The following RPRD1B variants were observed in gnomAD, a reference collection of about 807,000 sequenced individuals.
RPRD1B encodes regulation of nuclear pre-mRNA domain containing 1B, also known as regulation of nuclear pre-mRNA domain-containing protein 1B.
In RPRD1B, 11 loss-of-function variants were observed where a neutral mutation model predicts 41.5. That is an observed-to-expected ratio of 0.27 (90% CI 0.17 to 0.44). RPRD1B has a LOEUF of 0.44. RPRD1B is among the 20% of genes least tolerant of loss of function. The pLI, the probability that RPRD1B is intolerant of heterozygous loss-of-function variation, is 1.00. For synonymous variants in RPRD1B, 158 were observed against 155.6 expected (o/e 1.02, Z -0.12); for missense variants, 248 against 389.9 (o/e 0.64, Z 3.06).
chr20:38,079,873 C>T (rs2074498184), intron 6 of RPRD1B, among the ~76,000 whole-genome samples: 1 of 152,154 alleles, frequency 6.6e-6, no homozygotes, highest in African/African-American at 2.4e-5. Context: ...TCCCCACAAC[C>T]TCCCCAGCAT....
chr20:38,059,317 A>G, intron 4 of RPRD1B, 77 bp from the exon 5 acceptor site: 1 of 1,441,966 alleles, frequency 6.9e-7, no homozygotes, highest in Non-Finnish European at 9.3e-7. Context: ...ATTTGCCTCC[A>G]CCTCATTTAA....
At chr20:38,077,071 C>T (rs2074469482) in intron 6 of RPRD1B, among the ~76,000 whole-genome samples, 1 of 151,708 alleles carries the variant, frequency 6.6e-6, no homozygotes, top group Non-Finnish European at 1.5e-5. Context: ...GCACCCACCA[C>T]CACACCCAGC....
At position 38,075,918 on chromosome 20, in the gene RPRD1B, G is replaced by A. The variant is rs182653139; in HGVS notation, c.831+9662G>A. Among the ~76,000 whole-genome samples the A allele has an allele frequency of 4.0e-3, 612 of 152,266 alleles. 1 individual carries two copies. Among genetic ancestry groups the A allele is most frequent in the Non-Finnish European group, 5.2e-3 (355 of 68,018 alleles). ...TGAGGTCCTTTATCTTTAAACATCT[G>A]TAGGAAGAAGTATGATTAGCTCTCT... On this transcript the variant is annotated intron_variant, in intron 6 of 6. Coordinates refer to ENST00000373433, the MANE Select transcript of RPRD1B (RefSeq NM_021215.4).
At chr20:38,077,723 CT>C (rs2074477437) in intron 6 of RPRD1B, among the ~76,000 whole-genome samples, 1 of 152,196 alleles carries the variant, frequency 6.6e-6, no homozygotes, top group African/African-American at 2.4e-5. Context: ...CCCCTGGATC[CT>C]TGCAGTAGCC....
Position 38,065,181 on chromosome 20 carries a change from G to A in RPRD1B, c.656-900G>A, listed in dbSNP as rs1041848161. ...AATGTAGGAAGAAGTTCATCCCCACGTCCAAGGCTTACATAGTTTAAGAGA... is the reference window on the plus strand; with the variant it reads ...AATGTAGGAAGAAGTTCATCCCCACATCCAAGGCTTACATAGTTTAAGAGA... On this transcript the variant is annotated intron_variant, in intron 5 of 6. Transcript: ENST00000373433. Among the ~76,000 whole-genome samples, 9 of 152,112 alleles carry A rather than the reference G, an allele frequency of 5.9e-5. No individual in the cohort carries two copies. The South Asian group carries it at 1.4e-3, about 25-fold the overall frequency.
At chr20:38,085,338 G>A (rs937739760) in intron 6 of RPRD1B, 1 of 152,196 alleles carries the variant, frequency 6.6e-6, no homozygotes, top group African/African-American at 2.4e-5. Context: ...CGTGGGTGTT[G>A]GATGAAAGGT....
intron 4 of RPRD1B, 29 bp from the exon 5 acceptor site, chr20:38,059,365 G>C: frequency 1.2e-6 from 2 of 1,601,010 alleles, no homozygotes; most frequent in South Asian, 2.2e-5. Context: ...GTCTTAATGG[G>C]TAGTGTTGTT....
intron 6 of RPRD1B, among the ~76,000 whole-genome samples, chr20:38,074,662 A>G (rs527644217): frequency 1.3e-5 from 2 of 152,312 alleles, no homozygotes; most frequent in Non-Finnish European, 1.5e-5. Context: ...AATGCATATA[A>G]TATGAAGTTA....
At chr20:38,081,504 T>G (rs2074512419) in intron 6 of RPRD1B, among the ~76,000 whole-genome samples, 1 of 152,182 alleles carries the variant, frequency 6.6e-6, no homozygotes, top group Non-Finnish European at 1.5e-5. Flanking sequence ...CAACGAGAGA[T>G]AGTTTGACTT....
intron 6 of RPRD1B, among the ~76,000 whole-genome samples, chr20:38,078,166 C>CAA (rs1166192655): frequency 2.7e-5 from 3 of 109,940 alleles, no homozygotes; most frequent in African/African-American, 6.7e-5. Flanking sequence ...CAGGCTGTCT[C>CAA]AAAAAAAAAA....
chr20:38,089,896 T>G lies in RPRD1B; in HGVS notation c.*21T>G, dbSNP rs759181037. On this transcript the variant is annotated 3_prime_UTR_variant, in exon 7 of 7. Transcript: ENST00000373433. ...ACTAGGATGGGTGTCATGTCCCAGA[T>G]TTCTGTTTGTACCAGCAGAAAGAAG... The G allele has an allele frequency of 6.2e-7, 1 of 1,608,490 alleles. No individual in the cohort carries two copies. Among genetic ancestry groups the G allele is most frequent in the Non-Finnish European group, 8.5e-7 (1 of 1,177,472 alleles).
intron 3 of RPRD1B, among the ~76,000 whole-genome samples, chr20:38,057,277 G>A (rs904028936): frequency 5.3e-5 from 8 of 152,082 alleles, no homozygotes; most frequent in African/African-American, 1.2e-4. Context: ...GTAAGTTTTC[G>A]CTTTAGATGC....
chr20:38,060,579 T>C (rs764429888), intron 5 of RPRD1B, among the ~76,000 whole-genome samples: 4 of 151,784 alleles, frequency 2.6e-5, no homozygotes, highest in Non-Finnish European at 4.4e-5. Context: ...ACCCGAAAAA[T>C]TAGGAAGCAA....
chr20:38,052,631 G>T (rs920332317), intron 3 of RPRD1B, among the ~76,000 whole-genome samples: 2 of 151,466 alleles, frequency 1.3e-5, no homozygotes, highest in African/African-American at 2.4e-5. Flanking sequence ...TATAGGTGTG[G>T]TTTTTTTTGT....
chr20:38,090,686 T>A lies in RPRD1B; in HGVS notation c.*811T>A. 1.0e-6 allele frequency: 1 copy of A among 985,476 alleles called. No homozygotes were observed. Among genetic ancestry groups the A allele is most frequent in the Non-Finnish European group, 1.2e-6 (1 of 829,962 alleles). 61.0% of individuals were successfully genotyped at this position (985,476 alleles called of 1,614,324 possible). ...CCCTGGTGGGTGCGAAGGCAGTTGTTAGGGATGGCAGGCATTGGTGGGCTC... is the reference window on the plus strand; with the variant it reads ...CCCTGGTGGGTGCGAAGGCAGTTGTAAGGGATGGCAGGCATTGGTGGGCTC... On this transcript the variant is annotated 3_prime_UTR_variant, in exon 7 of 7. Transcript: ENST00000373433.
intron 6 of RPRD1B, among the ~76,000 whole-genome samples, chr20:38,079,654 T>C (rs2074495954): frequency 6.6e-6 from 1 of 152,228 alleles, no homozygotes; most frequent in African/African-American, 2.4e-5. Flanking sequence ...TTCCATGTCT[T>C]TGCTATTGTG....
chr20:38,035,662 G>C (rs889827905), intron 1 of RPRD1B, among the ~76,000 whole-genome samples: 2 of 152,158 alleles, frequency 1.3e-5, no homozygotes, highest in Non-Finnish European at 2.9e-5. Flanking sequence ...GTGCCATTCA[G>C]AAATTATTTG....
chr20:38,078,591 A>G (rs1337351382), intron 6 of RPRD1B, among the ~76,000 whole-genome samples: 1 of 152,086 alleles, frequency 6.6e-6, no homozygotes, highest in Non-Finnish European at 1.5e-5. Flanking sequence ...TCACTCAGGC[A>G]TGTCCAACCC....
At chr20:38,057,710 C>A in intron 4 of RPRD1B, 66 bp downstream of exon 4, 1 of 1,163,730 alleles carries the variant, frequency 8.6e-7, no homozygotes, top group Non-Finnish European at 1.3e-6. Flanking sequence ...AAGACTATGG[C>A]CACAAGGTGG....
Sources: gnomAD v4.1 joint callset for allele counts (sites outside exome capture counted in the v4.1 genomes callset) on GRCh38, gnomAD v4.1.1 for gene constraint, MANE v1.5 for transcripts, NCBI Gene and HGNC (gene_info 2026-07-23, HGNC 2026-07-21) for gene names.